Variants in EHD1 observed in about 807,000 individuals in gnomAD.
The protein encoded by EHD1 is EH domain containing 1.
A neutral mutation model predicts 39.0 loss-of-function variants in EHD1; 19 were observed. The ratio of observed to expected loss-of-function variants is 0.49; its 90% CI spans 0.34 to 0.72. The LOEUF is 0.72. Ranked by LOEUF, EHD1 falls within the 30% of genes least tolerant of loss-of-function variation. EHD1 has a pLI of 0.01. For synonymous variants in EHD1, 323 were observed against 331.2 expected (o/e 0.98, Z 0.27); for missense variants, 542 against 751.5 (o/e 0.72, Z 3.26).
rs1943600766 is a variant in EHD1 at position 64,853,145 on chromosome 11, T to C, written c.*1188A>G. 1.2e-5 allele frequency: 1 copy of C among 80,740 alleles called. No homozygotes were observed. Among genetic ancestry groups the C allele is most frequent in the Non-Finnish European group, 3.2e-5 (1 of 30,836 alleles). The allele number at this position is 80,740 out of a possible 1,614,324, so 5.0% of individuals were successfully genotyped here. A position where few individuals can be genotyped will look rare whatever the true frequency, so the allele number is the denominator to read the frequency against. On this transcript the variant is annotated 3_prime_UTR_variant, in exon 5 of 5. Transcript: ENST00000320631. The stretch of plus-strand genomic sequence containing the variant: ...TGGGCCGCAAGGTTCTGGTTTCTTA[T>C]TGCTCAACCTGGGGGCCAGGGGCGT...
At chr11:64,863,637 T>A (rs1259715565) in intron 2 of EHD1, among the ~76,000 whole-genome samples, 1 of 152,212 alleles carries the variant, frequency 6.6e-6, no homozygotes, top group Non-Finnish European at 1.5e-5. Flanking sequence ...TCCTGCCGCC[T>A]GCCCCGGCCC....
intron 2 of EHD1, among the ~76,000 whole-genome samples, chr11:64,872,550 G>A (rs1033757473): frequency 6.6e-6 from 1 of 151,654 alleles, no homozygotes; most frequent in Non-Finnish European, 1.5e-5. Context: ...ACTAAAACTA[G>A]GTTGGAACAA....
upstream of EHD1, chr11:64,878,919 T>A (rs1056249674): frequency 9.8e-6 from 10 of 1,023,212 alleles, no homozygotes; most frequent in Non-Finnish European, 1.2e-5. Context: ...GGAGACGGCC[T>A]CTGGGCCGCG....
At position 64,878,099 on chromosome 11, in the gene EHD1, G is replaced by A. The variant is rs761345614; in HGVS notation, c.366C>T (p.Phe122=). 1.9e-6 allele frequency: 3 copies of A among 1,541,258 alleles called. No individual in the cohort carries two copies. The highest frequency in any genetic ancestry group is 1.2e-5 in the South Asian group (1 of 81,912). Residue 122 remains phenylalanine, a synonymous_variant, in exon 1 of 5, where the codon TTC becomes TTT. Transcript: ENST00000320631. ...CGTTGCCAAACGCGTTGAGCTTGCG[G>A]AAGGGGCGCCGCGGGTCCACCACGA... ...NALVVDPRRP[F]RKLNAFGNAF... is the part of the protein sequence containing the mutation.
chr11:64,856,126 CT>C (rs1288511321), intron 3 of EHD1: 3 of 155,062 alleles, frequency 1.9e-5, no homozygotes, highest in African/African-American at 7.2e-5. Flanking sequence ...GGGTGCTTGG[CT>C]CCCACATGGA....
At chr11:64,859,731 A>G in intron 3 of EHD1, 193 bp downstream of exon 3, 1 of 753,852 alleles carries the variant, frequency 1.3e-6, no homozygotes, top group East Asian at 2.7e-5. Context: ...CCGGGTAGAG[A>G]ATCTTAGTTA....
At chr11:64,864,134 G>A (rs117506027) in intron 2 of EHD1, among the ~76,000 whole-genome samples, 3,300 of 152,324 alleles carry the variant, frequency 0.022, 53 homozygotes, top group Non-Finnish European at 0.036. Context: ...CAGCTCAACA[G>A]GAAATAGGGC....
chr11:64,878,884 G>C (rs71581712), upstream of EHD1: 15 of 1,052,720 alleles, frequency 1.4e-5, no homozygotes, highest in Middle Eastern at 1.3e-3. Flanking sequence ...GCTGCGGTTA[G>C]GAAGGCGAGG....
At position 64,854,045 on chromosome 11, in the gene EHD1, C is replaced by T. The variant is rs1030677438; in HGVS notation, c.*288G>A. The T allele has an allele frequency of 2.3e-5, 12 of 519,546 alleles. No individual in the cohort carries two copies. The highest frequency in any genetic ancestry group is 6.5e-5 in the Admixed American group (2 of 30,622). The allele number at this position is 519,546 out of a possible 1,614,324, so 32.2% of individuals were successfully genotyped here. A position where few individuals can be genotyped will look rare whatever the true frequency, so the allele number is the denominator to read the frequency against. Reference sequence around the variant, plus strand: ...ACAGCAAAGGCCGGGGGGCAGAGGCCGTGCACACAGGGCTGGCACACAGGG... The same window carrying T: ...ACAGCAAAGGCCGGGGGGCAGAGGCTGTGCACACAGGGCTGGCACACAGGG... On this transcript the variant is annotated 3_prime_UTR_variant, in exon 5 of 5. Coordinates refer to ENST00000320631, the MANE Select transcript of EHD1 (RefSeq NM_006795.4).
chr11:64,868,813 A>G lies in EHD1; in HGVS notation c.502+5608T>C, dbSNP rs1943796151. On this transcript the variant is annotated intron_variant, in intron 2 of 4. Coordinates refer to ENST00000320631, the MANE Select transcript of EHD1 (RefSeq NM_006795.4). The surrounding 1 kb of genome is among the most constrained non-coding windows in gnomAD (Gnocchi z 4.2). ...CCCCAGCAAATCAGACAGAAGCAAC[A>G]AAAGAGGGGCGGGAGGGGGCAGAGG... Among the ~76,000 whole-genome samples the G allele has an allele frequency of 6.6e-6, 1 of 152,204 alleles. No individual in the cohort carries two copies. The highest frequency in any genetic ancestry group is 6.5e-5 in the Admixed American group (1 of 15,284).
rs138617869 is a variant in EHD1 at position 64,854,471 on chromosome 11, G to A, written c.1467C>T (p.Asp489=). Residue 489 remains aspartate, a synonymous_variant, in exon 5 of 5, where the codon GAC becomes GAT. Transcript: ENST00000320631. ...CGTCCAGCAGCCCGTCCTTGTCCAC[G>A]TCGGCCAGCTTCCAGATCTTCCCTA... ...TVLGKIWKLA[D]VDKDGLLDDE... The A allele has an allele frequency of 3.4e-5, 55 of 1,614,128 alleles. No homozygotes were observed. The African/African-American group carries it at 4.4e-4, about 13-fold the overall frequency.
At chr11:64,873,665 G>A (rs900527691) in intron 2 of EHD1, among the ~76,000 whole-genome samples, 1 of 151,636 alleles carries the variant, frequency 6.6e-6, no homozygotes, top group Non-Finnish European at 1.5e-5. Flanking sequence ...TGTAAAATGG[G>A]TTCTTACTCG....
At position 64,855,317 on chromosome 11, in the gene EHD1, C is replaced by T. The variant is rs200472316; in HGVS notation, c.1080+5G>A. 20 of 1,613,274 alleles carry T rather than the reference C, an allele frequency of 1.2e-5. No homozygotes were observed. The African/African-American group carries it at 1.5e-4, about 12-fold the overall frequency. ...AGCCTGCATGGGGCCTCGGGACAGC[C>T]GTACCTGCATCTTGCGGAGGCTCGG... On this transcript the variant is annotated splice_donor_5th_base_variant and intron_variant, in intron 4 of 4. Coordinates refer to ENST00000320631, the MANE Select transcript of EHD1 (RefSeq NM_006795.4).
chr11:64,858,637 C>T lies in EHD1; in HGVS notation c.915+1287G>A, dbSNP rs115089425. ...CTGTCCACGGGGTCAACCCCAACCACAGCCGGGACTGTCACTCATGGTGAC... is the reference window on the plus strand; with the variant it reads ...CTGTCCACGGGGTCAACCCCAACCATAGCCGGGACTGTCACTCATGGTGAC... On this transcript the variant is annotated intron_variant, in intron 3 of 4. Coordinates refer to ENST00000320631, the MANE Select transcript of EHD1 (RefSeq NM_006795.4). Among the ~76,000 whole-genome samples, 233 of 152,394 alleles carry T rather than the reference C, an allele frequency of 1.5e-3. 1 individual carries two copies. Among genetic ancestry groups the T allele is most frequent in the African/African-American group, 5.1e-3 (212 of 41,596 alleles).
chr11:64,878,833 A>G (rs1943922133), upstream of EHD1: 4 of 1,134,264 alleles, frequency 3.5e-6, no homozygotes, highest in Non-Finnish European at 3.2e-6. Context: ...TGGCAACCGC[A>G]CCTGTTTCGC....
At chr11:64,877,230 G>A (rs1306013829) in intron 1 of EHD1, among the ~76,000 whole-genome samples, 1 of 152,176 alleles carries the variant, frequency 6.6e-6, no homozygotes, top group Non-Finnish European at 1.5e-5. Flanking sequence ...TCCTTGAGGG[G>A]CGGGAGCACT....
intron 2 of EHD1, 112 bp from the exon 3 acceptor site, chr11:64,860,448 CT>C: frequency 7.1e-7 from 1 of 1,407,686 alleles, no homozygotes; most frequent in Non-Finnish European, 9.4e-7. Context: ...TTTAAAATTC[CT>C]ATAGGCCGGG....
rs139663645 is a variant in EHD1, at chr11:64,876,071, A to G, written c.405-1553T>C. 1.9e-4 allele frequency among the ~76,000 whole-genome samples: 29 copies of G among 152,366 alleles called. No homozygotes were observed. In the East Asian group the frequency reaches 5.6e-3, roughly 29 times the overall value. On this transcript the variant is annotated intron_variant, in intron 1 of 4. Coordinates refer to ENST00000320631, the MANE Select transcript of EHD1 (RefSeq NM_006795.4). ...AAGCAGCAAAGATGCCTCCGATTCC[A>G]TCTCACCAAGAACGCACAGGTTTCA... is the stretch of plus-strand genomic sequence containing the variant.
chr11:64,878,026 C>G, intron 1 of EHD1, 35 bp downstream of exon 1: 2 of 1,480,654 alleles, frequency 1.4e-6, no homozygotes, highest in South Asian at 2.7e-5. Context: ...GTGCCCCGGA[C>G]GCGCCCCCCG....
Sources: gnomAD v4.1 joint callset for allele counts (sites outside exome capture counted in the v4.1 genomes callset) on GRCh38, gnomAD v4.1.1 for gene constraint, Gnocchi (gnomAD v3.1) non-coding constraint, MANE v1.5 for transcripts, NCBI Gene and HGNC (gene_info 2026-07-23, HGNC 2026-07-21) for gene names.